The following CALN1 variants were observed in gnomAD, a reference collection of about 807,000 sequenced individuals.
CALN1 encodes the protein calneuron 1.
A neutral mutation model predicts 30.6 loss-of-function variants in CALN1; 17 were observed. The observed-to-expected ratio is 0.56, with a 90% CI of 0.38 to 0.83. The LOEUF (loss-of-function observed/expected upper bound fraction) is 0.83. CALN1 is among the 40% of genes least tolerant of loss of function. The pLI, the probability that CALN1 is intolerant of heterozygous loss-of-function variation, is 0.00. For missense variants in CALN1, 291 were observed against 354.9 expected (o/e 0.82, Z 1.45); for synonymous variants, 156 against 131.4 (o/e 1.19, Z -1.28).
intron 2 of CALN1, among the ~76,000 whole-genome samples, chr7:72,338,469 CAGTG>C (rs1392589097): frequency 6.4e-4 from 27 of 41,944 alleles, no homozygotes; most frequent in African/African-American, 1.9e-3. Flanking sequence ...GCCAGCAGCA[CAGTG>C]TGTGTGTGTG....
chr7:71,913,242 A>G (rs1026759175), intron 5 of CALN1, among the ~76,000 whole-genome samples: 2 of 152,162 alleles, frequency 1.3e-5, no homozygotes, highest in African/African-American at 4.8e-5. Flanking sequence ...GCCTTCATCA[A>G]TTTCCAAATT....
chr7:72,363,463 C>A (rs1320842909), intron 2 of CALN1, among the ~76,000 whole-genome samples: 3 of 151,828 alleles, frequency 2.0e-5, no homozygotes, highest in Non-Finnish European at 4.4e-5. Context: ...GGTCTCAAAC[C>A]CCTGACCTCA....
At chr7:71,946,254 C>G (rs1796399614) in intron 5 of CALN1, among the ~76,000 whole-genome samples, 1 of 152,076 alleles carries the variant, frequency 6.6e-6, no homozygotes, top group Non-Finnish European at 1.5e-5. Context: ...CTATTTTTGT[C>G]TGTTTCCCAA....
chr7:72,409,368 AATG>A (rs952803262), intron 1 of CALN1, among the ~76,000 whole-genome samples: 10 of 149,248 alleles, frequency 6.7e-5, no homozygotes, highest in Non-Finnish European at 8.9e-5. Context: ...CAGAGGCTGA[AATG>A]ATGAGGTTGG....
chr7:72,300,072 G>C (rs4517001), intron 2 of CALN1, among the ~76,000 whole-genome samples: 70,617 of 151,660 alleles, frequency 0.47, 17,458 homozygotes, highest in South Asian at 0.68. Context: ...AACAGAGATA[G>C]GGTTTCACCA....
intron 2 of CALN1, among the ~76,000 whole-genome samples, chr7:72,352,854 T>A (rs1048729958): frequency 1.3e-5 from 2 of 152,038 alleles, no homozygotes; most frequent in Admixed American, 1.3e-4. Flanking sequence ...AATAAACCTG[T>A]AGCTAACTAG....
At chr7:72,351,475 T>C (rs1169546912) in intron 2 of CALN1, among the ~76,000 whole-genome samples, 1 of 152,232 alleles carries the variant, frequency 6.6e-6, no homozygotes, top group African/African-American at 2.4e-5. Flanking sequence ...GGTAGTTTAC[T>C]GTTTAAGACA....
chr7:71,927,177 TGG>T (rs1267270610), intron 5 of CALN1, among the ~76,000 whole-genome samples: 2 of 152,208 alleles, frequency 1.3e-5, no homozygotes, highest in African/African-American at 4.8e-5. Context: ...GTTGTTGCTA[TGG>T]TTACCTTCAG....
At chr7:71,797,030 C>A (rs1317968321) in intron 6 of CALN1, among the ~76,000 whole-genome samples, 1 of 152,202 alleles carries the variant, frequency 6.6e-6, no homozygotes, top group African/African-American at 2.4e-5. Flanking sequence ...TGGTTCTTGG[C>A]TTTTCTCCTG....
intron 2 of CALN1, among the ~76,000 whole-genome samples, chr7:72,282,818 T>C (rs1190751419): frequency 6.6e-6 from 1 of 151,888 alleles, no homozygotes; most frequent in Non-Finnish European, 1.5e-5. Context: ...CTTTGAGAGG[T>C]TAAGGCAGGC....
intron 6 of CALN1, among the ~76,000 whole-genome samples, chr7:71,795,542 C>T (rs905569178): frequency 2.4e-4 from 37 of 152,252 alleles, no homozygotes; most frequent in African/African-American, 7.7e-4. Flanking sequence ...TTAACACATT[C>T]GCGAGATTGC....
At chr7:71,935,536 A>C (rs1795782277) in intron 5 of CALN1, among the ~76,000 whole-genome samples, 1 of 152,188 alleles carries the variant, frequency 6.6e-6, no homozygotes, top group African/African-American at 2.4e-5. Flanking sequence ...CAGGCTGGCC[A>C]ACATGGTGAA....
At chr7:71,932,711 G>C (rs1455779407) in intron 5 of CALN1, among the ~76,000 whole-genome samples, 1 of 151,546 alleles carries the variant, frequency 6.6e-6, no homozygotes, top group African/African-American at 2.4e-5. Flanking sequence ...AGCTACTCGG[G>C]AGGCTGAGGC....
intron 1 of CALN1, among the ~76,000 whole-genome samples, chr7:72,406,699 C>A (rs759477810): frequency 2.0e-5 from 3 of 151,130 alleles, no homozygotes; most frequent in African/African-American, 7.3e-5. Flanking sequence ...TCACTGCAGG[C>A]TCTGCCTCCC....
At chr7:72,078,305 C>T (rs543744914) in intron 4 of CALN1, among the ~76,000 whole-genome samples, 2 of 152,104 alleles carry the variant, frequency 1.3e-5, no homozygotes, top group African/African-American at 2.4e-5. Context: ...ACACATACGA[C>T]GATCCCACCT....
chr7:72,208,976 CT>C (rs1447009163), intron 3 of CALN1, among the ~76,000 whole-genome samples: 1 of 151,192 alleles, frequency 6.6e-6, no homozygotes, highest in Non-Finnish European at 1.5e-5. Flanking sequence ...CCTTTCCTTC[CT>C]TTTCCTACTT....
chr7:71,877,174 TA>T (rs1792297466), intron 5 of CALN1, among the ~76,000 whole-genome samples: 1 of 152,218 alleles, frequency 6.6e-6, no homozygotes, highest in Admixed American at 6.5e-5. Context: ...CAGCCATTCC[TA>T]ATAAAAATCT....
intron 5 of CALN1, among the ~76,000 whole-genome samples, chr7:71,930,159 T>TC (rs1255111502): frequency 6.6e-6 from 1 of 152,320 alleles, no homozygotes; most frequent in South Asian, 2.1e-4. Context: ...ACAATTTTTT[T>TC]CCCAGGCTAT....
At chr7:72,410,793 GC>G (rs1262336788) in intron 1 of CALN1, among the ~76,000 whole-genome samples, 1 of 151,160 alleles carries the variant, frequency 6.6e-6, no homozygotes. Context: ...CAGCTCACGA[GC>G]CAGCACCCTA....
Sources: allele counts gnomAD v4.1 joint callset (sites outside exome capture counted in the v4.1 genomes callset), GRCh38; gene constraint gnomAD v4.1.1; transcripts MANE v1.5; gene names NCBI Gene and HGNC (gene_info 2026-07-23, HGNC 2026-07-21).